GCC2: variants seen among roughly 807,000 people sequenced by gnomAD.
GCC2 encodes GRIP and coiled-coil domain containing 2, also known as GRIP and coiled-coil domain-containing protein 2.
A neutral mutation model predicts 210.6 loss-of-function variants in GCC2; 120 were observed. That is an observed-to-expected ratio of 0.57 (90% CI 0.49 to 0.66). The LOEUF is 0.66. Ranked by LOEUF, GCC2 falls within the 30% of genes least tolerant of loss-of-function variation. The pLI is 0.00. For missense variants in GCC2, 1,868 were observed against 1,871.9 expected, an observed-to-expected ratio of 1.00 and a Z score of 0.04; for synonymous variants, 703 against 652.7, an observed-to-expected ratio of 1.08 and a Z score of -1.17.
chr2:108,449,563 G>A (rs1464630341), intron 1 of GCC2, 70 bp from the exon 2 acceptor site: 38 of 1,446,166 alleles, frequency 2.6e-5, no homozygotes, highest in Non-Finnish European at 3.6e-5. Context: ...TCCCTGTAAG[G>A]GTTCTACGCG....
At chr2:108,479,980 C>CAAAAAAAAAAAAA (rs200934785) in intron 9 of GCC2, among the ~76,000 whole-genome samples, 4 of 114,544 alleles carry the variant, frequency 3.5e-5, no homozygotes, top group South Asian at 2.7e-4. Context: ...GACTCCATCT[C>CAAAAAAAAAAAAA]AAAAAAAAAA....
intron 11 of GCC2, 53 bp from the exon 12 acceptor site, chr2:108,483,009 T>G (rs1179908781): frequency 4.2e-6 from 4 of 944,306 alleles, no homozygotes; most frequent in Non-Finnish European, 6.9e-6. Flanking sequence ...CCCTTAAAAA[T>G]ACCTTTTTAA....
chr2:108,450,522 A>G (rs1329191606), intron 2 of GCC2, among the ~76,000 whole-genome samples: 1 of 152,250 alleles, frequency 6.6e-6, no homozygotes, highest in African/African-American at 2.4e-5. Flanking sequence ...TACGTTTCAT[A>G]GTAGTTGCAT....
intron 22 of GCC2, 152 bp from the exon 23 acceptor site, chr2:108,507,408 C>CT: frequency 8.5e-6 from 3 of 354,326 alleles, no homozygotes; most frequent in South Asian, 2.6e-5. Flanking sequence ...AAAAAGAACC[C>CT]CCCCCCCCAA....
At chr2:108,482,252 G>T (rs1296705341) in intron 10 of GCC2, 35 bp from the exon 11 acceptor site, 3 of 1,278,044 alleles carry the variant, frequency 2.3e-6, no homozygotes, top group African/African-American at 3.0e-5. Context: ...TATGTTTTTT[G>T]CATGTTTATA....
At chr2:108,464,836 A>G (rs891188208) in intron 4 of GCC2, among the ~76,000 whole-genome samples, 5 of 152,196 alleles carry the variant, frequency 3.3e-5, no homozygotes, top group Non-Finnish European at 7.3e-5. Flanking sequence ...TCGTTCTGCA[A>G]GCTGTTCAGG....
rs1251405160 is a variant in GCC2 at position 108,477,813 on chromosome 2, AG to A, written c.3060+1965del. Reference sequence around the variant, plus strand: ...GTAATTCTAGCACTTTGGGAGGCCAAGGTGGGTGAGTCACTTGAGGCCAGGA... The same window carrying A: ...GTAATTCTAGCACTTTGGGAGGCCAAGTGGGTGAGTCACTTGAGGCCAGGA... On this transcript the variant is annotated intron_variant, in intron 9 of 22. Transcript: ENST00000309863. Among the ~76,000 whole-genome samples, 3 of 152,222 alleles carry A rather than the reference AG, an allele frequency of 2.0e-5. No individual in the cohort carries two copies. The East Asian group carries it at 5.8e-4, about 29-fold the overall frequency.
chr2:108,457,303 T>C (rs1475949598), intron 4 of GCC2, among the ~76,000 whole-genome samples: 1 of 152,152 alleles, frequency 6.6e-6, no homozygotes, highest in Non-Finnish European at 1.5e-5. Context: ...TGTATAAATA[T>C]GAGGATTTAT....
At chr2:108,507,532 C>G in intron 22 of GCC2, 28 bp from the exon 23 acceptor site, 1 of 1,292,750 alleles carries the variant, frequency 7.7e-7, no homozygotes. Flanking sequence ...TTTTATTTTT[C>G]TTTTTTTTTT....
At position 108,482,458 on chromosome 2, in the gene GCC2, A is replaced by G. The variant is rs749722435; in HGVS notation, c.3345+7A>G. 2 of 1,402,704 alleles carry G rather than the reference A, an allele frequency of 1.4e-6. No homozygotes were observed. Among genetic ancestry groups the G allele is most frequent in the South Asian group, 2.4e-5 (2 of 83,186 alleles). 86.9% of individuals were successfully genotyped at this position (1,402,704 alleles called of 1,614,324 possible). On this transcript the variant is annotated splice_region_variant and intron_variant, in intron 11 of 22. Coordinates refer to ENST00000309863, the MANE Select transcript of GCC2 (RefSeq NM_181453.4). ...GAAAGAACAGAAGATAAAGGTAAAA[A>G]CAATCCTATGAGATTGATTCACATA...
Position 108,470,511 on chromosome 2 carries a change from A to G in GCC2, c.1182A>G (p.Lys394=), listed in dbSNP as rs765805903. 6 of 1,610,168 alleles carry G rather than the reference A, an allele frequency of 3.7e-6. 1 individual carries two copies. In the South Asian group the frequency reaches 6.7e-5, roughly 18 times the overall value. The part of the protein sequence containing the change: ...EFKINELLLA[K]EEQGCVIEKL... ...AAATTAATGAATTATTACTAGCTAA[A>G]GAAGAACAGGGCTGTGTAATTGAAA... Residue 394 remains lysine (K), a synonymous_variant, in exon 6 of 23, where the codon AAA becomes AAG. Coordinates refer to ENST00000309863, the MANE Select transcript of GCC2 (RefSeq NM_181453.4).
At chr2:108,491,776 TA>T (rs1170591475) in intron 18 of GCC2, among the ~76,000 whole-genome samples, 8 of 150,530 alleles carry the variant, frequency 5.3e-5, no homozygotes, top group Non-Finnish European at 7.4e-5. Context: ...TTTATTTATT[TA>T]TTTATTTATT....
chr2:108,491,141 G>A (rs1351678808), intron 18 of GCC2, among the ~76,000 whole-genome samples: 3 of 152,114 alleles, frequency 2.0e-5, no homozygotes, highest in Non-Finnish European at 4.4e-5. Flanking sequence ...GTGATAATTA[G>A]GCTAATTAAT....
At chr2:108,501,555 G>C (rs1682927129) in intron 22 of GCC2, among the ~76,000 whole-genome samples, 2 of 152,126 alleles carry the variant, frequency 1.3e-5, no homozygotes, top group Non-Finnish European at 2.9e-5. Context: ...ACTTTTGCCT[G>C]ATTGACCTTA....
chr2:108,496,071 T>C (rs923610580), intron 20 of GCC2: 1 of 152,190 alleles, frequency 6.6e-6, no homozygotes, highest in Non-Finnish European at 1.5e-5. Context: ...GGAAAAATTA[T>C]TAAACAAATC....
At chr2:108,478,220 T>A (rs1681644521) in intron 9 of GCC2, among the ~76,000 whole-genome samples, 1 of 110,384 alleles carries the variant, frequency 9.1e-6, no homozygotes, top group African/African-American at 4.0e-5. Context: ...GATCTTTGTA[T>A]ATAAACATAC....
intron 4 of GCC2, among the ~76,000 whole-genome samples, chr2:108,465,753 T>C (rs976686811): frequency 4.6e-5 from 7 of 152,240 alleles, no homozygotes; most frequent in African/African-American, 1.7e-4. Context: ...TTTAGCTCTT[T>C]AAGGTATCTC....
At chr2:108,453,796 A>C (rs1257819100) in intron 4 of GCC2, among the ~76,000 whole-genome samples, 6 of 151,774 alleles carry the variant, frequency 4.0e-5, no homozygotes, top group Admixed American at 6.6e-5. Context: ...AAAAAAAAAA[A>C]AAAAAACACA....
intron 7 of GCC2, among the ~76,000 whole-genome samples, chr2:108,474,589 T>C (rs1681410561): frequency 6.6e-6 from 1 of 152,116 alleles, no homozygotes; most frequent in African/African-American, 2.4e-5. Context: ...AAAAAAGCGA[T>C]GGGACAAAAC....
Sources: allele counts gnomAD v4.1 joint callset (sites outside exome capture counted in the v4.1 genomes callset), GRCh38; gene constraint gnomAD v4.1.1; transcripts MANE v1.5; gene names NCBI Gene and HGNC (gene_info 2026-07-23, HGNC 2026-07-21).